The following UTRN variants were observed in gnomAD, a reference collection of about 807,000 sequenced individuals.
UTRN encodes the protein dystrophin-related protein 1.
A neutral mutation model predicts 463.9 loss-of-function variants in UTRN; 283 were observed. The observed-to-expected ratio is 0.61, with a 90% CI of 0.55 to 0.67. UTRN has a LOEUF of 0.67. Ranked by LOEUF, UTRN falls within the 30% of genes least tolerant of loss-of-function variation. The pLI is 0.00. For missense variants in UTRN, 3,922 were observed against 4,084.3 expected (o/e 0.96, Z 1.08); for synonymous variants, 1,442 against 1,431.5 (o/e 1.01, Z -0.17).
At chr6:144,803,253 CTT>C in intron 65 of UTRN, 106 bp downstream of exon 65, 1 of 690,960 alleles carries the variant, frequency 1.4e-6, no homozygotes, top group Non-Finnish European at 2.0e-6. Flanking sequence ...AAAAATATCA[CTT>C]TGAAGATTTT....
chr6:144,445,976 C>T (rs1382358160), intron 14 of UTRN, among the ~76,000 whole-genome samples: 1 of 152,030 alleles, frequency 6.6e-6, no homozygotes, highest in Non-Finnish European at 1.5e-5. Context: ...TTGCAGTGAT[C>T]CGAGATGGCA....
intron 3 of UTRN, among the ~76,000 whole-genome samples, chr6:144,409,199 C>T (rs994267811): frequency 6.6e-6 from 1 of 152,134 alleles, no homozygotes; most frequent in Non-Finnish European, 1.5e-5. Flanking sequence ...TGTTTTCATT[C>T]AATTTGAATT....
intron 2 of UTRN, among the ~76,000 whole-genome samples, chr6:144,341,147 G>A (rs1777111195): frequency 6.6e-6 from 1 of 152,142 alleles, no homozygotes; most frequent in Non-Finnish European, 1.5e-5. Context: ...TCCACGGCAA[G>A]AAATAAATAA....
chr6:144,329,007 A>G (rs1289308142), intron 2 of UTRN, among the ~76,000 whole-genome samples: 3 of 151,308 alleles, frequency 2.0e-5, no homozygotes, highest in Non-Finnish European at 4.4e-5. Flanking sequence ...CTGATCTTGA[A>G]GTCCTGACCT....
At chr6:144,636,122 G>A (rs942049508) in intron 51 of UTRN, among the ~76,000 whole-genome samples, 3 of 152,068 alleles carry the variant, frequency 2.0e-5, no homozygotes, top group East Asian at 3.9e-4. Flanking sequence ...CTATTCCATC[G>A]AAGTGTAAGC....
rs150315002 is a variant in UTRN at position 144,751,895 on chromosome 6, C to G, written c.8298C>G (p.Pro2766=). The change falls in exon 56 of 75, where the codon CCC becomes CCG. Residue 2766 remains proline, a synonymous_variant. Coordinates refer to ENST00000367545, the MANE Select transcript of UTRN (RefSeq NM_007124.3). ...AGCTGTCTCCACTTGACCTGCATCC[C>G]TCTCTAAAGATGTCTCGCCAGCTAG... ...SSQLSPLDLH[P]SLKMSRQLDD... is the part of the protein sequence containing the mutation. 1.2e-5 allele frequency: 19 copies of G among 1,612,290 alleles called. No individual in the cohort carries two copies. The highest frequency in any genetic ancestry group is 1.5e-5 in the Non-Finnish European group (18 of 1,179,222).
chr6:144,734,889 T>C (rs1789195024), intron 54 of UTRN, among the ~76,000 whole-genome samples: 1 of 152,210 alleles, frequency 6.6e-6, no homozygotes, highest in South Asian at 2.1e-4. Flanking sequence ...CCATGTTACA[T>C]TTCTGACCTG....
At chr6:144,593,158 G>T (rs1266903213) in intron 51 of UTRN, among the ~76,000 whole-genome samples, 1 of 152,124 alleles carries the variant, frequency 6.6e-6, no homozygotes, top group Non-Finnish European at 1.5e-5. Flanking sequence ...TCTTGACTGG[G>T]AGCTGTCCAC....
At chr6:144,641,376 A>G (rs1777747761) in intron 51 of UTRN, among the ~76,000 whole-genome samples, 1 of 152,180 alleles carries the variant, frequency 6.6e-6, no homozygotes, top group East Asian at 1.9e-4. Flanking sequence ...GGTTACAATA[A>G]GGGGTTGTGA....
Position 144,448,711 on chromosome 6 carries a change from C to T in UTRN, c.2014C>T (p.Pro672Ser), listed in dbSNP as rs1254082629. The T allele has an allele frequency of 9.9e-6, 16 of 1,612,728 alleles. No individual in the cohort carries two copies. The highest frequency in any genetic ancestry group is 1.4e-5 in the Non-Finnish European group (16 of 1,179,244). The change falls in exon 17 of 75, where the codon CCT becomes TCT. Residue 672 changes from proline (P) to serine (S), a missense_variant. Coordinates refer to ENST00000367545, the MANE Select transcript of UTRN (RefSeq NM_007124.3). Reference sequence around the variant, plus strand: ...TACAAAAAAATCTAAGCAGGAACTGCCTCCTCCTCCTCCCCCAAAGAAGAG... The same window carrying T: ...TACAAAAAAATCTAAGCAGGAACTGTCTCCTCCTCCTCCCCCAAAGAAGAG... ...AITKKSKQEL[P>S]PPPPPKKRQI...
At chr6:144,732,832 C>A (rs1214896484) in intron 54 of UTRN, among the ~76,000 whole-genome samples, 1 of 152,106 alleles carries the variant, frequency 6.6e-6, no homozygotes, top group Non-Finnish European at 1.5e-5. Context: ...CCTCCCACCT[C>A]AGCCTACTGA....
intron 51 of UTRN, among the ~76,000 whole-genome samples, chr6:144,676,388 C>T (rs1031551608): frequency 1.3e-5 from 2 of 152,090 alleles, no homozygotes; most frequent in Admixed American, 6.6e-5. Flanking sequence ...CAGATAACTT[C>T]ACTTAAATAT....
chr6:144,485,825 TG>T (rs1792388518), intron 28 of UTRN, among the ~76,000 whole-genome samples: 2 of 152,264 alleles, frequency 1.3e-5, no homozygotes, highest in African/African-American at 4.8e-5. Flanking sequence ...CTCTGCCATA[TG>T]TTATTAGGAC....
intron 41 of UTRN, among the ~76,000 whole-genome samples, chr6:144,530,361 A>T (rs1796933485): frequency 6.6e-6 from 1 of 152,172 alleles, no homozygotes; most frequent in Non-Finnish European, 1.5e-5. Flanking sequence ...CCCCACACTT[A>T]TGACCTCATT....
intron 54 of UTRN, among the ~76,000 whole-genome samples, chr6:144,742,703 A>G (rs962373053): frequency 4.6e-5 from 7 of 152,196 alleles, no homozygotes; most frequent in Non-Finnish European, 8.8e-5. Flanking sequence ...GTAGCTTTCT[A>G]TGTATTAACT....
intron 2 of UTRN, among the ~76,000 whole-genome samples, chr6:144,332,320 C>T (rs369291890): frequency 3.9e-5 from 6 of 152,154 alleles, no homozygotes; most frequent in African/African-American, 1.4e-4. Context: ...GTGCCTTGTA[C>T]GGTGCCTGTT....
chr6:144,691,911 T>C (rs973836049), intron 52 of UTRN, among the ~76,000 whole-genome samples: 6 of 152,196 alleles, frequency 3.9e-5, no homozygotes, highest in Non-Finnish European at 7.3e-5. Context: ...TTACTTTCAG[T>C]TCAGGGTACA....
intron 3 of UTRN, among the ~76,000 whole-genome samples, chr6:144,419,487 A>G (rs945680829): frequency 2.6e-5 from 4 of 152,208 alleles, no homozygotes; most frequent in Non-Finnish European, 5.9e-5. Flanking sequence ...TGAGTTGGCT[A>G]TACCTAATAC....
intron 51 of UTRN, among the ~76,000 whole-genome samples, chr6:144,665,042 C>T (rs1780248139): frequency 1.3e-5 from 2 of 152,192 alleles, no homozygotes; most frequent in East Asian, 1.9e-4. Flanking sequence ...TTAGGCTGAG[C>T]TTTGGGACAT....
Sources: allele counts gnomAD v4.1 joint callset (sites outside exome capture counted in the v4.1 genomes callset), GRCh38; gene constraint gnomAD v4.1.1; transcripts MANE v1.5; gene names NCBI Gene and HGNC (gene_info 2026-07-23, HGNC 2026-07-21).